AZIN2: variants seen among roughly 807,000 people sequenced by gnomAD.
AZIN2 encodes the protein antizyme inhibitor 2.
Under a neutral mutation model 47.8 loss-of-function variants are expected in AZIN2, and 28 were observed. The ratio of observed to expected loss-of-function variants is 0.59; its 90% CI spans 0.43 to 0.80. The LOEUF is 0.80. AZIN2 is among the 30% of genes least tolerant of loss of function. AZIN2 has a pLI of 0.00. For synonymous variants in AZIN2, 221 were observed against 239.4 expected, an observed-to-expected ratio of 0.92 and a Z score of 0.71; for missense variants, 535 against 582.5, an observed-to-expected ratio of 0.92 and a Z score of 0.84.
chr1:33,112,694 C>A (rs1004187222), intron 10 of AZIN2, among the ~76,000 whole-genome samples: 1 of 152,088 alleles, frequency 6.6e-6, no homozygotes. Context: ...ATTTTATTGT[C>A]ATTCGTTATA....
chr1:33,101,417 T>G (rs74064969), intron 10 of AZIN2, among the ~76,000 whole-genome samples: 2,248 of 152,252 alleles, frequency 0.015, 50 homozygotes, highest in East Asian at 0.093. Flanking sequence ...CTGTGGAGTT[T>G]CCTGCATTCT....
chr1:33,103,148 C>T (rs1321115505), intron 10 of AZIN2, among the ~76,000 whole-genome samples: 1 of 152,088 alleles, frequency 6.6e-6, no homozygotes, highest in Admixed American at 6.5e-5. Context: ...ACCCATTTTC[C>T]ACGCTGCAGA....
intron 7 of AZIN2, 70 bp from the exon 8 acceptor site, chr1:33,094,478 T>C (rs750037699): frequency 1.6e-5 from 24 of 1,509,222 alleles, no homozygotes; most frequent in Non-Finnish European, 1.9e-5. Flanking sequence ...CCAATGTCAT[T>C]CTTGGCTGGG....
chr1:33,100,103 C>T (rs1643554256), intron 10 of AZIN2, among the ~76,000 whole-genome samples: 1 of 152,036 alleles, frequency 6.6e-6, no homozygotes. Flanking sequence ...GGTTGGATAC[C>T]TGAAGTCAGG....
At chr1:33,153,860 G>T in the AZIN2 span, among the ~76,000 whole-genome samples, 1 of 152,188 alleles carries the variant, frequency 6.6e-6, no homozygotes, top group Non-Finnish European at 1.5e-5. Context: ...ACAAACATTT[G>T]CTGTGCTAGC....
downstream of AZIN2, among the ~76,000 whole-genome samples, chr1:33,127,617 A>G (rs576274385): frequency 1.2e-4 from 19 of 152,228 alleles, no homozygotes; most frequent in Non-Finnish European, 2.6e-4. Flanking sequence ...TTATTTGCGC[A>G]TCAGCTACTT....
intron 8 of AZIN2, among the ~76,000 whole-genome samples, chr1:33,095,409 G>A (rs1295524157): frequency 6.6e-6 from 1 of 152,110 alleles, no homozygotes; most frequent in Admixed American, 6.6e-5. Context: ...CCTTAATGTG[G>A]GGAGGTCGTT....
intron 6 of AZIN2, 55 bp downstream of exon 6, chr1:33,092,277 G>C: frequency 6.4e-7 from 1 of 1,570,332 alleles, no homozygotes; most frequent in Non-Finnish European, 8.6e-7. Flanking sequence ...TGGGCTGTGG[G>C]GAGCCTGGGC....
the AZIN2 span, chr1:33,158,276 G>T: frequency 6.2e-7 from 1 of 1,614,034 alleles, no homozygotes; most frequent in Non-Finnish European, 8.5e-7. Context: ...CTGGAACAGG[G>T]ACTTCCAGAT....
At chr1:33,116,245 C>G (rs973721479) in intron 10 of AZIN2, among the ~76,000 whole-genome samples, 3 of 152,196 alleles carry the variant, frequency 2.0e-5, no homozygotes, top group African/African-American at 7.2e-5. Context: ...AGCTATCATT[C>G]TTAACTTACA....
At chr1:33,145,904 G>A in the AZIN2 span, 2 of 471,162 alleles carry the variant, frequency 4.2e-6, no homozygotes, top group East Asian at 6.9e-5. Flanking sequence ...CAAGGTTCTG[G>A]ATCTGACTTA....
At chr1:33,109,053 A>T (rs1169221504) in intron 10 of AZIN2, among the ~76,000 whole-genome samples, 1 of 152,154 alleles carries the variant, frequency 6.6e-6, no homozygotes, top group Non-Finnish European at 1.5e-5. Context: ...AGTGTTCTGA[A>T]TTTTGGCCAT....
intron 5 of AZIN2, among the ~76,000 whole-genome samples, chr1:33,085,103 G>A (rs1641738275): frequency 6.6e-6 from 1 of 151,954 alleles, no homozygotes; most frequent in African/African-American, 2.4e-5. Flanking sequence ...AGAGCTGAAA[G>A]TATCTCATTT....
At chr1:33,108,342 C>CTTTTTTTTTTTTTT (rs34834263) in intron 10 of AZIN2, among the ~76,000 whole-genome samples, 4 of 134,744 alleles carry the variant, frequency 3.0e-5, no homozygotes, top group African/African-American at 8.3e-5. Context: ...TTCAGATTGA[C>CTTTTTTTTTTTTTT]TTTTTTTTTT....
the AZIN2 span, among the ~76,000 whole-genome samples, chr1:33,155,215 G>A: frequency 2.6e-5 from 4 of 151,680 alleles, no homozygotes; most frequent in African/African-American, 9.7e-5. Context: ...GGGATTACAG[G>A]CGTGTACCAC....
the AZIN2 span, chr1:33,147,841 C>G: frequency 8.5e-7 from 1 of 1,172,186 alleles, no homozygotes; most frequent in South Asian, 1.5e-5. This position sits in a 1 kb window ranked among gnomAD's most constrained non-coding sequence, Gnocchi z 8.1. Flanking sequence ...CTCTGACCTG[C>G]TGTGTGACCT....
intron 10 of AZIN2, among the ~76,000 whole-genome samples, chr1:33,105,389 T>C (rs1643951061): frequency 6.6e-6 from 1 of 152,072 alleles, no homozygotes; most frequent in Non-Finnish European, 1.5e-5. Context: ...GTGTGTGTAT[T>C]AGTTTGTTCT....
Position 33,094,535 on chromosome 1 carries a change from C to G in AZIN2, c.588-13C>G. 1 of 1,604,438 alleles carries G rather than the reference C, an allele frequency of 6.2e-7. No individual in the cohort carries two copies. Among genetic ancestry groups the G allele is most frequent in the South Asian group, 1.1e-5 (1 of 90,800 alleles). On this transcript the variant is annotated splice_polypyrimidine_tract_variant and intron_variant, in intron 7 of 11. Transcript: ENST00000294517. ...GCCCTGCATGTCAGCCGAGGCTCTT[C>G]CTCTCTTCCCAGTTTTCACATTGGC... is the stretch of plus-strand genomic sequence containing the variant.
In AZIN2 at chr1:33,082,338, C is replaced by A. The variant is rs1422740245; in HGVS notation, c.89C>A (p.Ala30Asp). The change falls in exon 4 of 12, where the codon GCC (alanine) becomes GAC (aspartate). Residue 30 changes from alanine (A) to aspartate (D), a missense_variant. Physicochemically the swap from Ala to Asp is moderately radical, Grantham distance 126 (BLOSUM62 -2). Transcript: ENST00000294517. Reference protein sequence around the residue: ...RDLLKELTLGASQATTDEVAA... With the variant: ...RDLLKELTLGDSQATTDEVAA... ...CTGCTGAAGGAACTCACTCTGGGGG[C>A]CTCACAGGCCACCACGGTGAGGGGC... is the stretch of plus-strand genomic sequence containing the variant. 6.2e-7 allele frequency: 1 copy of A among 1,613,526 alleles called. No individual in the cohort carries two copies. The highest frequency in any genetic ancestry group is 8.5e-7 in the Non-Finnish European group (1 of 1,179,808).
Sources: allele counts gnomAD v4.1 joint callset (sites outside exome capture counted in the v4.1 genomes callset), GRCh38; gene constraint gnomAD v4.1.1; non-coding constraint Gnocchi (gnomAD v3.1); transcripts MANE v1.5; gene names NCBI Gene and HGNC (gene_info 2026-07-23, HGNC 2026-07-21).